The following PARD3B variants were observed in gnomAD, a reference collection of about 807,000 sequenced individuals.
The protein encoded by PARD3B is par-3 family cell polarity regulator beta.
In PARD3B, 103 loss-of-function variants were observed where a neutral mutation model predicts 130.2. That is an observed-to-expected ratio of 0.79 (90% CI 0.67 to 0.93). The LOEUF (loss-of-function observed/expected upper bound fraction) is 0.93. PARD3B is among the 40% of genes least tolerant of loss of function. The pLI is 0.00. For missense variants in PARD3B, 1,609 were observed against 1,499.2 expected (o/e 1.07, Z -1.21); for synonymous variants, 583 against 553.2 (o/e 1.05, Z -0.76).
At chr2:205,515,510 CTTT>C (rs959492959) in intron 21 of PARD3B, among the ~76,000 whole-genome samples, 1 of 141,200 alleles carries the variant, frequency 7.1e-6, no homozygotes, top group African/African-American at 2.8e-5. Context: ...GCATCTATTA[CTTT>C]TTTATTTTTT....
chr2:205,035,199 A>G (rs1340654743), intron 3 of PARD3B, among the ~76,000 whole-genome samples: 1 of 152,066 alleles, frequency 6.6e-6, no homozygotes, highest in Non-Finnish European at 1.5e-5. Flanking sequence ...CATATGTAAT[A>G]TCAATTTCTG....
chr2:204,649,923 T>A (rs2035420784), intron 1 of PARD3B, among the ~76,000 whole-genome samples: 1 of 152,158 alleles, frequency 6.6e-6, no homozygotes, highest in African/African-American at 2.4e-5. Flanking sequence ...TGAGATCTAA[T>A]TAAACTTAAA....
At chr2:205,067,086 T>G (rs1387496356) in intron 4 of PARD3B, among the ~76,000 whole-genome samples, 1 of 145,586 alleles carries the variant, frequency 6.9e-6, no homozygotes, top group African/African-American at 2.5e-5. Flanking sequence ...TGCATCCACT[T>G]TTACTAGGCT....
intron 1 of PARD3B, among the ~76,000 whole-genome samples, chr2:204,582,963 C>T (rs1054613953): frequency 1.3e-5 from 2 of 152,106 alleles, no homozygotes; most frequent in African/African-American, 4.8e-5. Context: ...CCTTCGCCCA[C>T]TTTTTGAAAC....
rs1229850061 is a variant in PARD3B at position 205,496,582 on chromosome 2, A to G, written c.3045-3314A>G. The stretch of plus-strand genomic sequence containing the variant: ...CTTGGGCCAGATTTCTTTTCTGGGT[A>G]AATAGCCATGCTCCTGTCAGCCACA... On this transcript the variant is annotated intron_variant, in intron 20 of 22. Transcript: ENST00000406610. Among the ~76,000 whole-genome samples the G allele has an allele frequency of 2.0e-5, 3 of 152,272 alleles. No individual in the cohort carries two copies. In the East Asian group the frequency reaches 5.8e-4, roughly 29 times the overall value.
chr2:205,282,208 C>T (rs964003718), intron 16 of PARD3B, among the ~76,000 whole-genome samples: 2 of 151,962 alleles, frequency 1.3e-5, no homozygotes, highest in East Asian at 1.9e-4. Flanking sequence ...GATGTTCCCC[C>T]CTTTCTTCAC....
In PARD3B at chr2:204,678,315, C is replaced by G. The variant is rs544787238; in HGVS notation, c.121-7866C>G. On this transcript the variant is annotated intron_variant, in intron 1 of 22. Transcript: ENST00000406610. The surrounding 1 kb of genome is among the most constrained non-coding windows in gnomAD (Gnocchi z 4.2). ...AGCCCCAGAGGTTGTGTATTACAAACAATGCCCTTTTGGTTGTTGCCTTCA... is the reference window on the plus strand; with the variant it reads ...AGCCCCAGAGGTTGTGTATTACAAAGAATGCCCTTTTGGTTGTTGCCTTCA... 4.5e-4 allele frequency among the ~76,000 whole-genome samples: 68 copies of G among 152,278 alleles called. No individual in the cohort carries two copies. Among genetic ancestry groups the G allele is most frequent in the African/African-American group, 1.5e-3 (63 of 41,540 alleles).
At chr2:205,150,223 G>A (rs2125693283) in intron 10 of PARD3B, among the ~76,000 whole-genome samples, 1 of 116,160 alleles carries the variant, frequency 8.6e-6, no homozygotes, top group African/African-American at 3.2e-5. Context: ...GTGTGTGTGT[G>A]TGTGTGTGTG....
intron 10 of PARD3B, among the ~76,000 whole-genome samples, chr2:205,147,250 A>C (rs2033430796): frequency 6.6e-6 from 1 of 152,030 alleles, no homozygotes; most frequent in South Asian, 2.1e-4. Context: ...CATTTCTTTA[A>C]TCTTTATCTG....
rs1431151228 is a variant in PARD3B at position 205,308,600 on chromosome 2, G to A, written c.2630+6899G>A. Among the ~76,000 whole-genome samples the A allele has an allele frequency of 7.4e-3, 212 of 28,458 alleles. 4 individuals are homozygous for A. The highest frequency in any genetic ancestry group is 4.0e-3 in the Admixed American group (6 of 1,498). The allele number at this position is 28,458 out of a possible 152,430, so 18.7% of individuals were successfully genotyped here. A position where few individuals can be genotyped will look rare whatever the true frequency, so the allele number is the denominator to read the frequency against. ...CTAGCCTGGGTGAGAGCGAGACTCCGTCTCAAAAAAAAAAAAAAACCAAAC... is the reference window on the plus strand; with the variant it reads ...CTAGCCTGGGTGAGAGCGAGACTCCATCTCAAAAAAAAAAAAAAACCAAAC... On this transcript the variant is annotated intron_variant, in intron 18 of 22. Coordinates refer to ENST00000406610, the MANE Select transcript of PARD3B (RefSeq NM_001302769.2).
intron 21 of PARD3B, among the ~76,000 whole-genome samples, chr2:205,510,753 G>C (rs1171614290): frequency 6.6e-6 from 1 of 152,076 alleles, no homozygotes; most frequent in Non-Finnish European, 1.5e-5. Context: ...AGGAGGGTGA[G>C]ATACAAAGAG....
chr2:205,351,343 A>AT lies in PARD3B; in HGVS notation c.2630+49649dup, dbSNP rs1161527952. 1.3e-5 allele frequency among the ~76,000 whole-genome samples: 2 copies of AT among 152,026 alleles called. No individual in the cohort carries two copies. Among genetic ancestry groups the AT allele is most frequent in the African/African-American group, 2.4e-5 (1 of 41,392 alleles). ...TAGTCTCTTAATCCCAGTTGGTTGC[A>AT]TTTTTTTCCTTTTTATCAGTCTAGA... On this transcript the variant is annotated intron_variant, in intron 18 of 22. Transcript: ENST00000406610. This position sits in a 1 kb window ranked among gnomAD's most constrained non-coding sequence, Gnocchi z 4.2.
intron 4 of PARD3B, among the ~76,000 whole-genome samples, chr2:205,093,514 A>T (rs1292094648): frequency 4.6e-5 from 7 of 152,090 alleles, no homozygotes; most frequent in Admixed American, 4.6e-4. Flanking sequence ...GCTCATACTG[A>T]GTTGGGTGTG....
At position 205,414,166 on chromosome 2, in the gene PARD3B, G is replaced by A. The variant is rs537895255; in HGVS notation, c.2741+13043G>A. On this transcript the variant is annotated intron_variant, in intron 19 of 22. Transcript: ENST00000406610. Reference sequence around the variant, plus strand: ...GATGCCATCAAGCTACTCTTTCAAGGAGGCAATAGGACTAAACTCCAAGCC... The same window carrying A: ...GATGCCATCAAGCTACTCTTTCAAGAAGGCAATAGGACTAAACTCCAAGCC... Among the ~76,000 whole-genome samples, 71 of 152,274 alleles carry A rather than the reference G, an allele frequency of 4.7e-4. No homozygotes were observed. In the South Asian group the frequency reaches 0.013, roughly 28 times the overall value.
intron 21 of PARD3B, among the ~76,000 whole-genome samples, chr2:205,540,681 C>T (rs2052086698): frequency 6.6e-6 from 1 of 152,142 alleles, no homozygotes; most frequent in Non-Finnish European, 1.5e-5. Flanking sequence ...AAAATCATTG[C>T]AGAAACTTCC....
intron 10 of PARD3B, among the ~76,000 whole-genome samples, chr2:205,150,386 T>C (rs147790759): frequency 1.3e-5 from 2 of 152,234 alleles, no homozygotes; most frequent in African/African-American, 4.8e-5. Context: ...GGGCACTTGG[T>C]AGTACTTTAT....
intron 10 of PARD3B, among the ~76,000 whole-genome samples, chr2:205,154,699 T>C (rs892323899): frequency 6.6e-6 from 1 of 152,206 alleles, no homozygotes; most frequent in Non-Finnish European, 1.5e-5. Flanking sequence ...ATATACACTA[T>C]GGAATACTAT....
chr2:204,737,418 CT>C (rs2039807585), intron 2 of PARD3B, among the ~76,000 whole-genome samples: 1 of 152,132 alleles, frequency 6.6e-6, no homozygotes, highest in African/African-American at 2.4e-5. Flanking sequence ...CTTTTGCCCC[CT>C]TTTTAATGAG....
At chr2:205,493,743 T>G (rs1227789326) in intron 20 of PARD3B, among the ~76,000 whole-genome samples, 3 of 146,058 alleles carry the variant, frequency 2.1e-5, no homozygotes, top group African/African-American at 5.0e-5. Context: ...TATTTATTTA[T>G]TTATTTATTT....
Sources: gnomAD v4.1 joint callset for allele counts (sites outside exome capture counted in the v4.1 genomes callset) on GRCh38, gnomAD v4.1.1 for gene constraint, Gnocchi (gnomAD v3.1) non-coding constraint, MANE v1.5 for transcripts, NCBI Gene and HGNC (gene_info 2026-07-23, HGNC 2026-07-21) for gene names.